RPA3: variants seen among roughly 807,000 people sequenced by gnomAD.
RPA3 encodes the protein replication protein A 14 kDa subunit.
RPA3 carries 24 observed loss-of-function variants against 13.7 expected under a neutral mutation model. The observed-to-expected ratio is 1.75, with a 90% confidence interval of 1.27 to 2.46. The LOEUF is 2.46. RPA3 is among the 30% of genes most tolerant of loss of function. RPA3 has a pLI of 0.00. For synonymous variants in RPA3, 59 were observed against 51.2 expected (o/e 1.15, Z -0.65); for missense variants, 183 against 151.0 (o/e 1.21, Z -1.11).
intron 4 of RPA3, among the ~76,000 whole-genome samples, chr7:7,643,989 G>A (rs1237495460): frequency 6.6e-6 from 1 of 152,048 alleles, no homozygotes; most frequent in African/African-American, 2.4e-5. Context: ...CGGTAACTTG[G>A]GGTAACTTGG....
At chr7:7,682,432 C>T (rs1779935030) in intron 4 of RPA3, among the ~76,000 whole-genome samples, 1 of 152,106 alleles carries the variant, frequency 6.6e-6, no homozygotes, top group Non-Finnish European at 1.5e-5. Context: ...TTTAAACTAT[C>T]ATATTTTTAT....
chr7:7,666,283 A>G (rs1779453907), intron 4 of RPA3, among the ~76,000 whole-genome samples: 1 of 152,066 alleles, frequency 6.6e-6, no homozygotes, highest in African/African-American at 2.4e-5. Flanking sequence ...GCCTCATTGC[A>G]TGCTCGACAT....
rs1029941843 is a variant in RPA3, at chr7:7,713,896, C to T, written c.-1028+1279G>A. Among the ~76,000 whole-genome samples, 9 of 152,202 alleles carry T rather than the reference C, an allele frequency of 5.9e-5. No homozygotes were observed. The East Asian group carries it at 1.4e-3, about 23-fold the overall frequency. ...CCCAGGCTGGAGTGCAGTGGTGTGA[C>T]CACAGACAGCTCACTGCAGCCTCGA... On this transcript the variant is annotated intron_variant, in intron 2 of 7. Coordinates refer to ENST00000223129, the MANE Select transcript of RPA3 (RefSeq NM_002947.5).
intron 4 of RPA3, among the ~76,000 whole-genome samples, chr7:7,648,608 T>C (rs1452445199): frequency 6.6e-6 from 1 of 152,116 alleles, no homozygotes; most frequent in Non-Finnish European, 1.5e-5. Context: ...CCCAGCACTT[T>C]GGGAGGCCGA....
Position 7,636,963 on chromosome 7 carries a change from T to C in RPA3, c.*37A>G, listed in dbSNP as rs754668702. The C allele has an allele frequency of 7.0e-7, 1 of 1,420,306 alleles. No homozygotes were observed. The highest frequency in any genetic ancestry group is 1.2e-5 in the South Asian group (1 of 86,732). 88.0% of individuals were successfully genotyped at this position (1,420,306 alleles called of 1,614,324 possible). On this transcript the variant is annotated 3_prime_UTR_variant, in exon 8 of 8. Coordinates refer to ENST00000223129, the MANE Select transcript of RPA3 (RefSeq NM_002947.5). ...AAGGGCTTCCTTTAATAGACTTTAA[T>C]ATAGCTCATTTACAATCGTATGAAA...
chr7:7,700,107 CTT>C (rs1397624131), intron 2 of RPA3, among the ~76,000 whole-genome samples: 4 of 152,116 alleles, frequency 2.6e-5, no homozygotes, highest in Admixed American at 6.6e-5. Context: ...AGATTGGTGG[CTT>C]GTAAACAATA....
intron 2 of RPA3, among the ~76,000 whole-genome samples, chr7:7,695,742 A>G (rs2115145082): frequency 6.6e-6 from 1 of 152,282 alleles, no homozygotes; most frequent in South Asian, 2.1e-4. Context: ...TAGCATCTTT[A>G]ATATCTATGT....
At chr7:7,676,191 A>C (rs1434483959) in intron 4 of RPA3, 1 of 398,344 alleles carries the variant, frequency 2.5e-6, no homozygotes, top group African/African-American at 2.1e-5. Flanking sequence ...TCCACGACTT[A>C]CTCTCTACCC....
intron 2 of RPA3, chr7:7,692,461 C>G (rs1169554911): frequency 6.6e-6 from 1 of 152,170 alleles, no homozygotes; most frequent in African/African-American, 2.4e-5. Flanking sequence ...CCACCTGCCT[C>G]TAAGCTGGTG....
Position 7,682,737 on chromosome 7 carries a change from C to T in RPA3, c.-758+3093G>A, listed in dbSNP as rs985613078. 2.6e-5 allele frequency among the ~76,000 whole-genome samples: 4 copies of T among 152,282 alleles called. No individual in the cohort carries two copies. In the East Asian group the frequency reaches 5.8e-4, roughly 22 times the overall value. On this transcript the variant is annotated intron_variant, in intron 4 of 7. Transcript: ENST00000223129. ...TACCCTATCGCTGTCTCCTTACCCA[C>T]GTATCGGGATATCCAGAAAAACTCG...
At chr7:7,692,519 T>C (rs1780196092) in intron 2 of RPA3, 1 of 152,242 alleles carries the variant, frequency 6.6e-6, no homozygotes. Context: ...TGTCAATATG[T>C]ATCAGAAGCT....
chr7:7,669,256 T>C (rs1779546062), intron 4 of RPA3, among the ~76,000 whole-genome samples: 1 of 152,118 alleles, frequency 6.6e-6, no homozygotes, highest in African/African-American at 2.4e-5. Flanking sequence ...TTGTATACGG[T>C]ATTTTGATAT....
intron 2 of RPA3, among the ~76,000 whole-genome samples, chr7:7,688,190 C>T (rs1310143441): frequency 6.6e-6 from 1 of 152,086 alleles, no homozygotes; most frequent in Admixed American, 6.5e-5. Flanking sequence ...AGATCTGTAA[C>T]CCCCAAAATA....
At chr7:7,644,948 A>G (rs1224912531) in intron 4 of RPA3, among the ~76,000 whole-genome samples, 1 of 152,162 alleles carries the variant, frequency 6.6e-6, no homozygotes, top group Non-Finnish European at 1.5e-5. Context: ...TCCTTGAGCC[A>G]TTTTGGTCCT....
At chr7:7,715,731 A>C (rs892047868) in intron 1 of RPA3, among the ~76,000 whole-genome samples, 1 of 152,230 alleles carries the variant, frequency 6.6e-6, no homozygotes, top group African/African-American at 2.4e-5. Flanking sequence ...GTAATCCATG[A>C]ATCAGAGTAT....
rs1346293943 is a variant in RPA3, at chr7:7,687,268, TATC to T, written c.-970_-968del. ...TTCCTTTTGTGTGAAATGTTAATGA[TATC>T]ATGGTGTCTTCATTACATTGTTGCA... On this transcript the variant is annotated 5_prime_UTR_variant, in exon 3 of 8. An upstream start codon of the reference 5' UTR is lost. Coordinates refer to ENST00000223129, the MANE Select transcript of RPA3 (RefSeq NM_002947.5). The T allele has an allele frequency of 5.9e-5, 9 of 152,246 alleles. No homozygotes were observed. The highest frequency in any genetic ancestry group is 1.9e-4 in the African/African-American group (8 of 41,464). The allele number at this position is 152,246 out of a possible 1,614,324, so 9.4% of individuals were successfully genotyped here.
intron 4 of RPA3, among the ~76,000 whole-genome samples, chr7:7,645,249 C>A (rs1785067520): frequency 6.6e-6 from 1 of 152,058 alleles, no homozygotes; most frequent in Non-Finnish European, 1.5e-5. Flanking sequence ...GCCTTCAGTA[C>A]CATTTTGAAT....
At chr7:7,639,208 T>A in intron 5 of RPA3, 64 bp from the exon 6 acceptor site, 1 of 1,229,340 alleles carries the variant, frequency 8.1e-7, no homozygotes, top group Non-Finnish European at 1.2e-6. Context: ...TAAAGATGAG[T>A]ACATTGATCC....
chr7:7,689,722 G>A (rs1460445217), intron 2 of RPA3, among the ~76,000 whole-genome samples: 2 of 152,014 alleles, frequency 1.3e-5, no homozygotes, highest in African/African-American at 2.4e-5. Context: ...CAAAACAATT[G>A]GAAATAGTCT....
Sources: gnomAD v4.1 joint callset for allele counts (sites outside exome capture counted in the v4.1 genomes callset) on GRCh38, gnomAD v4.1.1 for gene constraint, MANE v1.5 for transcripts, NCBI Gene and HGNC (gene_info 2026-07-23, HGNC 2026-07-21) for gene names.